Variants in TTLL10 observed in about 807,000 individuals in gnomAD.
The protein encoded by TTLL10 is inactive polyglycylase TTLL10.
TTLL10 carries 61 observed loss-of-function variants against 69.0 expected under a neutral mutation model. The observed-to-expected ratio is 0.88, with a 90% CI of 0.72 to 1.09. The LOEUF is 1.09. Among genes scored for constraint, TTLL10 ranks in the 50% least tolerant of loss-of-function variants. The probability of loss-of-function intolerance (pLI) is 0.00; values close to 1 mark genes in which losing one functional copy is unlikely to be tolerated. For synonymous variants in TTLL10, 408 were observed against 393.3 expected (o/e 1.04, Z -0.44); for missense variants, 962 against 945.9 (o/e 1.02, Z -0.22).
intron 3 of TTLL10, among the ~76,000 whole-genome samples, chr1:1,177,880 TTCCA>T: frequency 6.6e-6 from 1 of 152,304 alleles, no homozygotes; most frequent in South Asian, 2.1e-4. Flanking sequence ...TCCTGACTTC[TTCCA>T]TTCTTGCCCA....
chr1:1,175,738 G>A (rs1646845606), intron 3 of TTLL10: 4 of 451,132 alleles, frequency 8.9e-6, no homozygotes, highest in South Asian at 4.7e-5. Context: ...CCCAGCTGCT[G>A]TGCAGGTGGA....
At position 1,181,617 on chromosome 1, in the gene TTLL10, A is replaced by C; in HGVS notation, c.756-124A>C. On this transcript the variant is annotated intron_variant, in intron 8 of 15. Coordinates refer to ENST00000379289, the MANE Select transcript of TTLL10 (RefSeq NM_001130045.2). This position sits in a 1 kb window ranked among gnomAD's most constrained non-coding sequence, Gnocchi z 4.6. ...CCCAGGCACCGCCGTCCACCCAGCC[A>C]CCTCCTTCCACCACAACTCACAGTC... The C allele has an allele frequency of 1.2e-6, 1 of 844,524 alleles. No homozygotes were observed. Among genetic ancestry groups the C allele is most frequent in the Non-Finnish European group, 1.9e-6 (1 of 538,448 alleles). 52.3% of individuals were successfully genotyped at this position (844,524 alleles called of 1,614,324 possible).
rs1647078549 is a variant in TTLL10 at position 1,181,792 on chromosome 1, C to A, written c.807C>A (p.Ser269Arg). The change falls in exon 9 of 16, where the codon AGC (serine) becomes AGA (arginine). Residue 269 changes from serine to arginine, a missense_variant. Coordinates refer to ENST00000379289, the MANE Select transcript of TTLL10 (RefSeq NM_001130045.2). The surrounding 1 kb of genome is among the most constrained non-coding windows in gnomAD (Gnocchi z 4.6). ...APALEDLPWT[S>R]PGYLRPQRVL... The stretch of plus-strand genomic sequence containing the variant: ...CCCTGGAGGACCTCCCGTGGACAAG[C>A]CCAGGATACCTCAGGCCACAGAGGT... The A allele has an allele frequency of 6.2e-7, 1 of 1,609,204 alleles. No individual in the cohort carries two copies.
Position 1,182,865 on chromosome 1 carries a change from G to C in TTLL10, c.917-11G>C. On this transcript the variant is annotated splice_polypyrimidine_tract_variant and intron_variant, in intron 10 of 15. Transcript: ENST00000379289. ...GGGCGAGGCCAGGGGCTCAGGCCGC[G>C]CTCTCTGCAGAAACCCAGATATGGA... 6.4e-7 allele frequency: 1 copy of C among 1,557,652 alleles called. No homozygotes were observed.
At chr1:1,180,395 CG>C in intron 6 of TTLL10, 55 bp downstream of exon 6, 1 of 1,540,250 alleles carries the variant, frequency 6.5e-7, no homozygotes, top group Non-Finnish European at 8.8e-7. Flanking sequence ...CGCCTGCTCC[CG>C]GGGCCCAGCC....
rs760661401 is a variant in TTLL10 at position 1,196,677 on chromosome 1, C to T, written c.1479C>T (p.Asp493=). 6.4e-7 allele frequency: 1 copy of T among 1,552,088 alleles called. No homozygotes were observed. Among genetic ancestry groups the T allele is most frequent in the Non-Finnish European group, 8.7e-7 (1 of 1,147,016 alleles). The change falls in exon 14 of 16, where the codon GAC becomes GAT. Residue 493 remains aspartate (D), a synonymous_variant. Coordinates refer to ENST00000379289, the MANE Select transcript of TTLL10 (RefSeq NM_001130045.2). ...PKLDCKLGYF[D]LIGCDFLIDD... ...TGGACTGCAAGCTGGGTTACTTTGA[C>T]CTCATTGGCTGTGACTTCCTGATTG...
intron 13 of TTLL10, among the ~76,000 whole-genome samples, chr1:1,187,068 G>A (rs1037552731): frequency 6.6e-6 from 1 of 151,400 alleles, no homozygotes; most frequent in African/African-American, 2.4e-5. Context: ...GGATGGTCTC[G>A]ATCTCCTGAC....
intron 13 of TTLL10, among the ~76,000 whole-genome samples, chr1:1,196,042 C>G (rs1648182754): frequency 6.6e-6 from 1 of 152,344 alleles, no homozygotes; most frequent in Admixed American, 6.5e-5. Context: ...TCCCAAACTG[C>G]TGGGACTACA....
chr1:1,184,578 G>T (rs1221618181), intron 12 of TTLL10, among the ~76,000 whole-genome samples: 1 of 152,222 alleles, frequency 6.6e-6, no homozygotes, highest in African/African-American at 2.4e-5. Context: ...TTTTGTGGGA[G>T]GGTCTTTGCA....
rs1557494649 is a variant in TTLL10, at chr1:1,197,880, CGCGCCCCAGCCGT to C, written c.*36_*48del. 1 of 1,396,058 alleles carries C rather than the reference CGCGCCCCAGCCGT, an allele frequency of 7.2e-7. No homozygotes were observed. Among genetic ancestry groups the C allele is most frequent in the Non-Finnish European group, 9.3e-7 (1 of 1,076,684 alleles). 86.5% of individuals were successfully genotyped at this position (1,396,058 alleles called of 1,614,324 possible). A position where few individuals can be genotyped will look rare whatever the true frequency, so the allele number is the denominator to read the frequency against. ...CACCCGCGCCCAGCGCCCCGCGCCCCGCGCCCCAGCCGTGCTGCCTGCCCTCAGGGACCTATAA... is the reference window on the plus strand; with the variant it reads ...CACCCGCGCCCAGCGCCCCGCGCCCCGCTGCCTGCCCTCAGGGACCTATAA... On this transcript the variant is annotated 3_prime_UTR_variant, in exon 16 of 16. Transcript: ENST00000379289.
intron 13 of TTLL10, among the ~76,000 whole-genome samples, chr1:1,191,398 C>T (rs973521987): frequency 6.6e-6 from 1 of 152,074 alleles, no homozygotes; most frequent in Non-Finnish European, 1.5e-5. Flanking sequence ...TTGAGTCCAG[C>T]CTGGGCAACA....
intron 13 of TTLL10, among the ~76,000 whole-genome samples, chr1:1,186,336 G>A (rs934320048): frequency 1.3e-5 from 2 of 152,112 alleles, no homozygotes; most frequent in Non-Finnish European, 2.9e-5. Flanking sequence ...TGACCCGCCC[G>A]CCTCAGCCTC....
Position 1,197,149 on chromosome 1 carries a change from G to A in TTLL10, c.1575G>A (p.Leu525=), listed in dbSNP as rs1648279842. The change falls in exon 15 of 16, where the codon CTG becomes CTA. Residue 525 remains leucine (L), a synonymous_variant. Transcript: ENST00000379289. ...CCCTGCACACCAACTGCGAGGTCCTGAAGGAGGTCATCCCAGGTGTGGTCA... is the reference window on the plus strand; with the variant it reads ...CCCTGCACACCAACTGCGAGGTCCTAAAGGAGGTCATCCCAGGTGTGGTCA... ...NPALHTNCEV[L]KEVIPGVVIE... 4 of 1,550,788 alleles carry A rather than the reference G, an allele frequency of 2.6e-6. No individual in the cohort carries two copies. Among genetic ancestry groups the A allele is most frequent in the South Asian group, 1.2e-5 (1 of 84,054 alleles).
intron 13 of TTLL10, among the ~76,000 whole-genome samples, chr1:1,193,024 TTAATA>T (rs201316879): frequency 0.012 from 1,785 of 152,372 alleles, 22 homozygotes; most frequent in African/African-American, 0.039. Flanking sequence ...TCACTTACAT[TTAATA>T]TAATTACTGA....
rs1647030794 is a variant in TTLL10, at chr1:1,180,722, G to T, written c.626-9G>T. The T allele has an allele frequency of 6.2e-7, 1 of 1,602,080 alleles. No homozygotes were observed. The highest frequency in any genetic ancestry group is 8.5e-7 in the Non-Finnish European group (1 of 1,175,044). On this transcript the variant is annotated splice_polypyrimidine_tract_variant and intron_variant, in intron 7 of 15. Coordinates refer to ENST00000379289, the MANE Select transcript of TTLL10 (RefSeq NM_001130045.2). ...TCCCTCCACACGAGCCCTGGCCTCT[G>T]ACCTCCAGGAGAGCAGCTGCTGTAC...
In TTLL10 at chr1:1,185,817, C is replaced by G; in HGVS notation, c.1401+708C>G. On this transcript the variant is annotated intron_variant, in intron 13 of 15. Coordinates refer to ENST00000379289, the MANE Select transcript of TTLL10 (RefSeq NM_001130045.2). The surrounding 1 kb of genome is among the most constrained non-coding windows in gnomAD (Gnocchi z 6.1). Reference sequence around the variant, plus strand: ...TTACTTTCCTCACATCTCCCAAACTCTCTCTTAATTGCGATAATTCACAGA... The same window carrying G: ...TTACTTTCCTCACATCTCCCAAACTGTCTCTTAATTGCGATAATTCACAGA... The G allele has an allele frequency of 2.0e-6, 2 of 985,480 alleles. No homozygotes were observed. The highest frequency in any genetic ancestry group is 2.4e-6 in the Non-Finnish European group (2 of 829,940). 61.0% of individuals were successfully genotyped at this position (985,480 alleles called of 1,614,324 possible).
intron 14 of TTLL10, 33 bp downstream of exon 14, chr1:1,196,749 C>G: frequency 7.0e-7 from 1 of 1,435,590 alleles, no homozygotes; most frequent in Non-Finnish European, 9.6e-7. Context: ...GCACAGTAGA[C>G]AGATGCAAGG....
Position 1,180,785 on chromosome 1 carries a change from G to C in TTLL10, c.680G>C (p.Gly227Ala), listed in dbSNP as rs891014687. 3.1e-6 allele frequency: 5 copies of C among 1,607,838 alleles called. No homozygotes were observed. The highest frequency in any genetic ancestry group is 3.3e-5 in the Admixed American group (2 of 59,724). ...PNNKLLTTKI[G>A]LLSTLRGRAR... ...AACAAGCTCCTCACCACCAAGATCG[G>C]GCTGCTCAGCACCCTTCGGGGACGG... The change falls in exon 8 of 16, where the codon GGG (glycine) becomes GCG (alanine). Residue 227 changes from glycine (G) to alanine (A), a missense_variant. By Grantham distance (60) the Gly-to-Ala change is moderately conservative (BLOSUM62 0). Transcript: ENST00000379289.
chr1:1,178,287 C>A (rs902580080), intron 3 of TTLL10, among the ~76,000 whole-genome samples: 1 of 152,194 alleles, frequency 6.6e-6, no homozygotes, highest in Admixed American at 6.5e-5. Context: ...AAGCCGGGCA[C>A]AGTGGCTCAC....
Sources: allele counts gnomAD v4.1 joint callset (sites outside exome capture counted in the v4.1 genomes callset), GRCh38; gene constraint gnomAD v4.1.1; non-coding constraint Gnocchi (gnomAD v3.1); transcripts MANE v1.5; gene names NCBI Gene and HGNC (gene_info 2026-07-23, HGNC 2026-07-21).